FIG4: variants seen among roughly 807,000 people sequenced by gnomAD.
The protein encoded by FIG4 is polyphosphoinositide phosphatase.
Under a neutral mutation model 118.6 loss-of-function variants are expected in FIG4, and 112 were observed. That is an observed-to-expected ratio of 0.94 (90% CI 0.81 to 1.11). The LOEUF is 1.11. FIG4 is among the 50% of genes least tolerant of loss of function. The pLI, the probability that FIG4 is intolerant of heterozygous loss-of-function variation, is 0.00. For synonymous variants in FIG4, 369 were observed against 381.2 expected, an observed-to-expected ratio of 0.97 and a Z score of 0.37; for missense variants, 969 against 1,111.7, an observed-to-expected ratio of 0.87 and a Z score of 1.83.
At chr6:109,751,877 G>T (rs1247629526) in intron 10 of FIG4, among the ~76,000 whole-genome samples, 2 of 144,056 alleles carry the variant, frequency 1.4e-5, no homozygotes, top group Non-Finnish European at 3.0e-5. Flanking sequence ...TAGGGTACGT[G>T]TGCACAATGT....
At chr6:109,692,859 A>G (rs1194327283) in intron 1 of FIG4, among the ~76,000 whole-genome samples, 5 of 152,060 alleles carry the variant, frequency 3.3e-5, no homozygotes, top group East Asian at 1.9e-4. Context: ...TGACACCATG[A>G]CCGGCTAATT....
At chr6:109,705,021 T>C (rs985500606) in intron 1 of FIG4, among the ~76,000 whole-genome samples, 1 of 152,138 alleles carries the variant, frequency 6.6e-6, no homozygotes. Context: ...AACAAAATGT[T>C]AACAGTTGGT....
At chr6:109,698,016 A>C (rs1562633292) in intron 1 of FIG4, among the ~76,000 whole-genome samples, 1 of 151,346 alleles carries the variant, frequency 6.6e-6, no homozygotes, top group Non-Finnish European at 1.5e-5. Flanking sequence ...AGCCTCCCGG[A>C]TAGCTGGGAT....
intron 1 of FIG4, among the ~76,000 whole-genome samples, chr6:109,711,427 T>G (rs535495737): frequency 1.3e-5 from 2 of 152,144 alleles, no homozygotes; most frequent in African/African-American, 4.8e-5. Flanking sequence ...AAAACTTGCT[T>G]TATTAATCTG....
chr6:109,778,572 A>C (rs1056649938), intron 16 of FIG4, among the ~76,000 whole-genome samples: 2 of 151,616 alleles, frequency 1.3e-5, no homozygotes, highest in Non-Finnish European at 2.9e-5. Flanking sequence ...TTGCAAGTAC[A>C]GCTCTTGCAG....
chr6:109,733,267 C>T (rs1032071171), intron 5 of FIG4, among the ~76,000 whole-genome samples: 1 of 151,996 alleles, frequency 6.6e-6, no homozygotes, highest in Non-Finnish European at 1.5e-5. Context: ...ACAAGCAAAC[C>T]AGATAATCCA....
Position 109,691,444 on chromosome 6 carries a change from G to A in FIG4, c.9G>A (p.Thr3=). The change falls in exon 1 of 23, where the codon ACG becomes ACA. Residue 3 remains threonine, a synonymous_variant. Coordinates refer to ENST00000230124, the MANE Select transcript of FIG4 (RefSeq NM_014845.6). MP[T]AAAPIISSVQ... ...CCCCATTTGCCGCCGCCATGCCCAC[G>A]GCCGCCGCCCCCATCATCAGCTCGG... 3 of 1,582,070 alleles carry A rather than the reference G, an allele frequency of 1.9e-6. No individual in the cohort carries two copies. The highest frequency in any genetic ancestry group is 2.3e-5 in the East Asian group (1 of 43,132).
chr6:109,713,361 T>A (rs935955308), intron 1 of FIG4, among the ~76,000 whole-genome samples: 1 of 152,194 alleles, frequency 6.6e-6, no homozygotes, highest in East Asian at 1.9e-4. Flanking sequence ...ATCATGGTGA[T>A]CCTGTTAGCA....
Position 109,791,562 on chromosome 6 carries a change from A to C in FIG4, c.2367A>C (p.Lys789Asn). The C allele has an allele frequency of 6.2e-7, 1 of 1,613,862 alleles. No individual in the cohort carries two copies. Among genetic ancestry groups the C allele is most frequent in the Non-Finnish European group, 8.5e-7 (1 of 1,179,956 alleles). The change falls in exon 20 of 23, where the codon AAA (lysine) becomes AAC (asparagine). Residue 789 changes from lysine to asparagine, a missense_variant. Transcript: ENST00000230124. ...VKMTDAGDSA[K>N]VTENVVQPMK... ...TGACTGATGCAGGAGACAGTGCCAA[A>C]GTGACCGAGGTGCGGGGGAGGGAAG...
chr6:109,769,623 TAAA>T (rs777015058), intron 15 of FIG4, among the ~76,000 whole-genome samples: 1 of 140,066 alleles, frequency 7.1e-6, no homozygotes, highest in Non-Finnish European at 1.6e-5. Context: ...TAAACTAGAT[TAAA>T]AAAAAAAAAA....
chr6:109,741,384 G>T, intron 7 of FIG4, 60 bp from the exon 8 acceptor site: 2 of 1,029,324 alleles, frequency 1.9e-6, no homozygotes, highest in South Asian at 2.5e-5. Flanking sequence ...AAGGAATAAT[G>T]ACTCTCTTGG....
chr6:109,823,096 G>A (rs990279000), intron 22 of FIG4, among the ~76,000 whole-genome samples: 4 of 151,598 alleles, frequency 2.6e-5, no homozygotes, highest in African/African-American at 9.7e-5. Flanking sequence ...TAATTTTTTT[G>A]TGCTGTTGAT....
chr6:109,784,369 G>A lies in FIG4; in HGVS notation c.1890-601G>A, dbSNP rs80271430. 1.5e-3 allele frequency among the ~76,000 whole-genome samples: 231 copies of A among 152,282 alleles called. 1 individual carries two copies. Among genetic ancestry groups the A allele is most frequent in the African/African-American group, 4.9e-3 (203 of 41,560 alleles). The stretch of plus-strand genomic sequence containing the variant: ...ACATTCTTTACTCTTACTCTGACTA[G>A]CTTCTGTAATCAAGTAGCACATATT... On this transcript the variant is annotated intron_variant, in intron 16 of 22. Coordinates refer to ENST00000230124, the MANE Select transcript of FIG4 (RefSeq NM_014845.6).
At chr6:109,815,864 G>C (rs1030657649) in intron 22 of FIG4, among the ~76,000 whole-genome samples, 22 of 150,876 alleles carry the variant, frequency 1.5e-4, no homozygotes, top group African/African-American at 4.7e-4. Context: ...TTAGATTATG[G>C]GGGGGGGCAC....
At chr6:109,762,004 C>T in intron 11 of FIG4, 87 bp from the exon 12 acceptor site, 2 of 794,178 alleles carry the variant, frequency 2.5e-6, no homozygotes, top group Non-Finnish European at 2.2e-6. Context: ...AGTATCATTG[C>T]TATAGACTTT....
chr6:109,766,804 T>C lies in FIG4; in HGVS notation c.1659T>C (p.Arg553=). Residue 553 remains arginine, a synonymous_variant, in exon 15 of 23, where the codon CGT becomes CGC. Transcript: ENST00000230124. ...LQYGGSQLVH[R]VKTYRKIAPW... Reference sequence around the variant, plus strand: ...ATGGTGGTTCTCAACTTGTTCATCGTGTGAAAACCTACAGAAAGATAGCAC... The same window carrying C: ...ATGGTGGTTCTCAACTTGTTCATCGCGTGAAAACCTACAGAAAGATAGCAC... 1.9e-6 allele frequency: 3 copies of C among 1,613,826 alleles called. No individual in the cohort carries two copies. Among genetic ancestry groups the C allele is most frequent in the Non-Finnish European group, 1.7e-6 (2 of 1,179,730 alleles).
At chr6:109,747,361 A>G (rs2128387780) in intron 10 of FIG4, among the ~76,000 whole-genome samples, 1 of 152,204 alleles carries the variant, frequency 6.6e-6, no homozygotes, top group Non-Finnish European at 1.5e-5. Flanking sequence ...TCTCCAAAGG[A>G]GTCAGAGAAA....
intron 14 of FIG4, among the ~76,000 whole-genome samples, chr6:109,765,770 G>A (rs1454012249): frequency 6.6e-6 from 1 of 152,094 alleles, no homozygotes; most frequent in Admixed American, 6.5e-5. Flanking sequence ...TTTCTTCACT[G>A]TCTATTGGAT....
At chr6:109,780,281 G>A (rs542555846) in intron 16 of FIG4, among the ~76,000 whole-genome samples, 5 of 152,098 alleles carry the variant, frequency 3.3e-5, no homozygotes, top group South Asian at 2.1e-4. Flanking sequence ...GCGTGATCTC[G>A]GCTCACTGCA....
Sources: allele counts gnomAD v4.1 joint callset (sites outside exome capture counted in the v4.1 genomes callset), GRCh38; gene constraint gnomAD v4.1.1; transcripts MANE v1.5; gene names NCBI Gene and HGNC (gene_info 2026-07-23, HGNC 2026-07-21).